Variants in RBFOX1 observed in about 807,000 individuals in gnomAD.
The protein encoded by RBFOX1 is RNA binding fox-1 homolog 1, also known as RNA binding protein fox-1 homolog 1.
In RBFOX1, 8 loss-of-function variants were observed where a neutral mutation model predicts 57.7. That is an observed-to-expected ratio of 0.14 (90% CI 0.08 to 0.25). The LOEUF (loss-of-function observed/expected upper bound fraction) is 0.25. Among genes scored for constraint, RBFOX1 ranks in the 10% least tolerant of loss-of-function variants. RBFOX1 has a pLI of 1.00. For missense variants in RBFOX1, 611 were observed against 548.5 expected (o/e 1.11, Z -1.14); for synonymous variants, 326 against 222.4 (o/e 1.47, Z -4.15).
intron 3 of RBFOX1, among the ~76,000 whole-genome samples, chr16:7,013,149 C>A (rs1424318632): frequency 6.6e-6 from 1 of 152,136 alleles, no homozygotes; most frequent in Non-Finnish European, 1.5e-5. Context: ...ATTTCACATA[C>A]AAATTTGTGG....
At position 7,677,625 on chromosome 16, in the gene RBFOX1, T is replaced by C. The variant is rs142870490; in HGVS notation, c.995+787T>C. Among the ~76,000 whole-genome samples, 241 of 152,244 alleles carry C rather than the reference T, an allele frequency of 1.6e-3. 2 individuals carry two copies. Among genetic ancestry groups the C allele is most frequent in the Non-Finnish European group, 2.5e-3 (173 of 68,020 alleles). On this transcript the variant is annotated intron_variant, in intron 14 of 15. Coordinates refer to ENST00000550418, the MANE Select transcript of RBFOX1 (RefSeq NM_018723.4). ...TGTATGGTTGCCTTGAAAAGGAAAG[T>C]GTGTGTTTTCATATTGAATGCAACT...
chr16:6,896,815 G>A (rs1436568775), intron 3 of RBFOX1, among the ~76,000 whole-genome samples: 1 of 152,176 alleles, frequency 6.6e-6, no homozygotes, highest in Non-Finnish European at 1.5e-5. Flanking sequence ...TCATAGATGA[G>A]TTTATAGGAT....
intron 1 of RBFOX1, among the ~76,000 whole-genome samples, chr16:5,284,040 A>T (rs941659954): frequency 6.6e-6 from 1 of 152,030 alleles, no homozygotes; most frequent in Non-Finnish European, 1.5e-5. Context: ...TGTCTTTCCC[A>T]TGCTGTTCTC....
intron 3 of RBFOX1, among the ~76,000 whole-genome samples, chr16:5,650,803 C>CT (rs2049210436): frequency 6.6e-6 from 1 of 152,100 alleles, no homozygotes; most frequent in Admixed American, 6.5e-5. Context: ...CAGACGGACA[C>CT]AGTCTTTGTC....
At chr16:7,416,244 T>TCCCCTC (rs2098476584) in intron 4 of RBFOX1, among the ~76,000 whole-genome samples, 1 of 152,186 alleles carries the variant, frequency 6.6e-6, no homozygotes, top group African/African-American at 2.4e-5. Context: ...ATATTATTTC[T>TCCCCTC]CCCCTCGCTC....
At chr16:5,559,866 T>G (rs2045828323) in intron 2 of RBFOX1, among the ~76,000 whole-genome samples, 1 of 152,032 alleles carries the variant, frequency 6.6e-6, no homozygotes, top group South Asian at 2.1e-4. Context: ...ATCATACCCT[T>G]AACTCTAGCG....
chr16:7,051,077 T>C (rs759359971), intron 3 of RBFOX1, among the ~76,000 whole-genome samples: 2 of 152,162 alleles, frequency 1.3e-5, no homozygotes, highest in Non-Finnish European at 2.9e-5. Flanking sequence ...TTTCAAAAAC[T>C]TACAGTATAT....
chr16:5,932,110 T>A (rs1217689761), intron 4 of RBFOX1, among the ~76,000 whole-genome samples: 1 of 152,216 alleles, frequency 6.6e-6, no homozygotes, highest in Non-Finnish European at 1.5e-5. Context: ...TGGCCTTGTA[T>A]GGCATAGTTG....
At chr16:7,312,424 TAAAG>T (rs930277491) in intron 4 of RBFOX1, among the ~76,000 whole-genome samples, 1 of 152,168 alleles carries the variant, frequency 6.6e-6, no homozygotes, top group African/African-American at 2.4e-5. Context: ...GGCAATATGT[TAAAG>T]AAACGTAGGA....
rs889766104 is a variant in RBFOX1, at chr16:6,768,978, C to T, written c.-16+114328C>T. Among the ~76,000 whole-genome samples, 5 of 152,052 alleles carry T rather than the reference C, an allele frequency of 3.3e-5. No individual in the cohort carries two copies. In the East Asian group the frequency reaches 5.8e-4, roughly 18 times the overall value. On this transcript the variant is annotated intron_variant, in intron 3 of 15. Coordinates refer to ENST00000550418, the MANE Select transcript of RBFOX1 (RefSeq NM_018723.4). ...TCCTGACCTCGTGATCTGCCTGCCTCGGGCTCCCAAAGTGTTGAGGTTACT... is the reference window on the plus strand; with the variant it reads ...TCCTGACCTCGTGATCTGCCTGCCTTGGGCTCCCAAAGTGTTGAGGTTACT...
chr16:6,636,760 TATATATA>T lies in RBFOX1; in HGVS notation c.-63-17828_-63-17822del, dbSNP rs2098436969. Reference sequence around the variant, plus strand: ...AGCCAATTATATATAATATAGTTTATATATATAATATATAATATATATAATATATAAT... The same window carrying T: ...AGCCAATTATATATAATATAGTTTATATATATAATATATATAATATATAAT... On this transcript the variant is annotated intron_variant, in intron 2 of 15. Coordinates refer to ENST00000550418, the MANE Select transcript of RBFOX1 (RefSeq NM_018723.4). Among the ~76,000 whole-genome samples the T allele has an allele frequency of 1.7e-5, 2 of 119,056 alleles. 1 individual carries two copies. The highest frequency in any genetic ancestry group is 6.8e-5 in the African/African-American group (2 of 29,434). The allele number at this position is 119,056 out of a possible 152,430, so 78.1% of individuals were successfully genotyped here.
intron 1 of RBFOX1, among the ~76,000 whole-genome samples, chr16:6,054,951 T>A (rs932489236): frequency 2.0e-5 from 3 of 151,946 alleles, no homozygotes; most frequent in African/African-American, 7.2e-5. Flanking sequence ...CTTGGCTAAT[T>A]TTTTGTATTT....
intron 4 of RBFOX1, among the ~76,000 whole-genome samples, chr16:7,419,925 C>CTTTTTTTTTTTTTTTTT (rs367626244): frequency 9.8e-6 from 1 of 101,730 alleles, no homozygotes; most frequent in African/African-American, 4.2e-5. Context: ...TTCTTTCTTC[C>CTTTTTTTTTTTTTTTTT]TTTTTTTTTT....
intron 4 of RBFOX1, among the ~76,000 whole-genome samples, chr16:7,181,000 A>C (rs1294439252): frequency 6.6e-6 from 1 of 152,202 alleles, no homozygotes; most frequent in Non-Finnish European, 1.5e-5. Flanking sequence ...GGCAATGCAA[A>C]AGCAATGGAA....
At chr16:5,252,764 A>G (rs2062485152) in intron 1 of RBFOX1, among the ~76,000 whole-genome samples, 1 of 152,318 alleles carries the variant, frequency 6.6e-6, no homozygotes, top group Non-Finnish European at 1.5e-5. Flanking sequence ...CAGTGTGCAG[A>G]TGGCTGCAAA....
intron 4 of RBFOX1, among the ~76,000 whole-genome samples, chr16:7,295,546 G>A (rs1467444570): frequency 6.6e-6 from 1 of 152,114 alleles, no homozygotes; most frequent in Non-Finnish European, 1.5e-5. Context: ...TCCTTAGAAT[G>A]AAACTGAGGT....
intron 3 of RBFOX1, among the ~76,000 whole-genome samples, chr16:6,931,395 A>C (rs538773490): frequency 4.5e-4 from 69 of 152,062 alleles, no homozygotes; most frequent in African/African-American, 1.5e-3. Flanking sequence ...ATATATGTGT[A>C]TGTTTATGTG....
intron 2 of RBFOX1, among the ~76,000 whole-genome samples, chr16:5,572,068 G>T (rs2046302803): frequency 1.3e-5 from 2 of 152,066 alleles, no homozygotes; most frequent in South Asian, 4.2e-4. Flanking sequence ...AACAAGCTCT[G>T]CAGCACATCT....
intron 2 of RBFOX1, among the ~76,000 whole-genome samples, chr16:6,612,600 C>T (rs953419480): frequency 6.6e-6 from 1 of 151,898 alleles, no homozygotes; most frequent in East Asian, 1.9e-4. Flanking sequence ...ACCTGTAATC[C>T]CAGCACTTTG....
Sources: allele counts gnomAD v4.1 joint callset (sites outside exome capture counted in the v4.1 genomes callset), GRCh38; gene constraint gnomAD v4.1.1; transcripts MANE v1.5; gene names NCBI Gene and HGNC (gene_info 2026-07-23, HGNC 2026-07-21).